The following SETBP1 variants were observed in gnomAD, a reference collection of about 807,000 sequenced individuals.
SETBP1 encodes the protein SET binding protein 1.
In SETBP1, 9 loss-of-function variants were observed where a neutral mutation model predicts 101.0. The observed-to-expected ratio is 0.09, with a 90% confidence interval of 0.05 to 0.16. The LOEUF (loss-of-function observed/expected upper bound fraction) is 0.16, where lower values mean the gene tolerates loss of function less well. Among genes scored for constraint, SETBP1 ranks in the 10% least tolerant of loss-of-function variants. The pLI is 1.00. For synonymous variants in SETBP1, 818 were observed against 788.5 expected, an observed-to-expected ratio of 1.04 and a Z score of -0.63; for missense variants, 1,858 against 2,033.8, an observed-to-expected ratio of 0.91 and a Z score of 1.66.
intron 2 of SETBP1, among the ~76,000 whole-genome samples, chr18:44,801,430 G>C (rs182456668): frequency 6.6e-6 from 1 of 152,124 alleles, no homozygotes; most frequent in African/African-American, 2.4e-5. Flanking sequence ...GATCTGTTTC[G>C]AGGTAGAAGA....
At chr18:44,857,733 G>T (rs984351069) in intron 2 of SETBP1, among the ~76,000 whole-genome samples, 1 of 152,158 alleles carries the variant, frequency 6.6e-6, no homozygotes, top group East Asian at 1.9e-4. Context: ...TTCTGGACAG[G>T]TTTGGCCAAA....
At chr18:44,734,205 G>A (rs1280936561) in intron 2 of SETBP1, among the ~76,000 whole-genome samples, 2 of 152,216 alleles carry the variant, frequency 1.3e-5, no homozygotes, top group African/African-American at 4.8e-5. Context: ...TGTGCTATAA[G>A]GGTGAGTAAG....
chr18:44,827,098 C>T (rs1213656249), intron 2 of SETBP1, among the ~76,000 whole-genome samples: 1 of 152,106 alleles, frequency 6.6e-6, no homozygotes, highest in Non-Finnish European at 1.5e-5. Flanking sequence ...GCATAGGGCT[C>T]ACTAGTGGTG....
rs183463094 is a variant in SETBP1 at position 44,711,787 on chromosome 18, G to A, written c.486+9955G>A. 3.5e-5 allele frequency among the ~76,000 whole-genome samples: 5 copies of A among 144,440 alleles called. No individual in the cohort carries two copies. The East Asian group carries it at 8.3e-4, about 24-fold the overall frequency. 94.8% of individuals were successfully genotyped at this position (144,440 alleles called of 152,430 possible). A position where few individuals can be genotyped will look rare whatever the true frequency, so the allele number is the denominator to read the frequency against. On this transcript the variant is annotated intron_variant, in intron 2 of 5. Transcript: ENST00000649279. ...TGAACTGGCCTCAAGCAATCCTCCC[G>A]CTTCGGCCTCCTGAAGTGCTGGGAT... is the stretch of plus-strand genomic sequence containing the variant.
intron 5 of SETBP1, among the ~76,000 whole-genome samples, chr18:45,046,150 C>A (rs945657563): frequency 2.0e-5 from 3 of 152,218 alleles, no homozygotes; most frequent in African/African-American, 4.8e-5. Flanking sequence ...ATCGCATAGT[C>A]CCTGTGGCCA....
At chr18:44,861,307 C>T (rs1350950326) in intron 2 of SETBP1, among the ~76,000 whole-genome samples, 4 of 134,250 alleles carry the variant, frequency 3.0e-5, no homozygotes, top group Admixed American at 8.7e-5. Flanking sequence ...GGCGTGATCT[C>T]GGCTCACTGC....
intron 2 of SETBP1, among the ~76,000 whole-genome samples, chr18:44,737,282 C>T (rs539292563): frequency 5.3e-5 from 8 of 152,292 alleles, no homozygotes; most frequent in Non-Finnish European, 1.0e-4. Flanking sequence ...GAAAGAGCAA[C>T]GTGTTAGTCT....
chr18:45,036,117 A>G (rs1423655449), intron 4 of SETBP1, among the ~76,000 whole-genome samples: 1 of 152,122 alleles, frequency 6.6e-6, no homozygotes, highest in African/African-American at 2.4e-5. Flanking sequence ...GCAGATCACA[A>G]TGTCAGGAGA....
chr18:44,919,798 C>A (rs1453791851), intron 3 of SETBP1, among the ~76,000 whole-genome samples: 1 of 151,820 alleles, frequency 6.6e-6, no homozygotes, highest in African/African-American at 2.4e-5. Context: ...TGCATATACA[C>A]ACATATGCAT....
At chr18:44,848,086 TGTGTG>T (rs2072760449) in intron 2 of SETBP1, among the ~76,000 whole-genome samples, 1 of 151,676 alleles carries the variant, frequency 6.6e-6, no homozygotes, top group Non-Finnish European at 1.5e-5. Flanking sequence ...TGTGTGTGTG[TGTGTG>T]TGTGTGTGTG....
At chr18:45,055,992 T>C (rs2073802079) in intron 5 of SETBP1, among the ~76,000 whole-genome samples, 1 of 152,246 alleles carries the variant, frequency 6.6e-6, no homozygotes, top group South Asian at 2.1e-4. Flanking sequence ...TCTGGCCCAG[T>C]TTACTGTAAA....
chr18:44,727,551 T>A (rs1441918083), intron 2 of SETBP1, among the ~76,000 whole-genome samples: 1 of 152,196 alleles, frequency 6.6e-6, no homozygotes, highest in Non-Finnish European at 1.5e-5. Context: ...GCCAACTGAA[T>A]GGTTTGAGAT....
chr18:44,843,015 A>G (rs192338901), intron 2 of SETBP1, among the ~76,000 whole-genome samples: 2 of 152,362 alleles, frequency 1.3e-5, no homozygotes, highest in East Asian at 3.9e-4. Flanking sequence ...CTGGTCAACC[A>G]AAGAGACCGA....
intron 4 of SETBP1, among the ~76,000 whole-genome samples, chr18:45,020,140 A>G (rs1402311922): frequency 6.6e-6 from 1 of 151,750 alleles, no homozygotes; most frequent in Non-Finnish European, 1.5e-5. Context: ...GAAATAACCA[A>G]AGGGACTTTG....
chr18:44,877,599 G>A (rs955168867), intron 3 of SETBP1, among the ~76,000 whole-genome samples: 1 of 152,124 alleles, frequency 6.6e-6, no homozygotes, highest in Admixed American at 6.5e-5. Context: ...ATTACCAGAC[G>A]TGTGACAATA....
At chr18:44,775,247 T>C (rs1223842658) in intron 2 of SETBP1, among the ~76,000 whole-genome samples, 2 of 152,206 alleles carry the variant, frequency 1.3e-5, no homozygotes, top group African/African-American at 2.4e-5. Flanking sequence ...ACTGACAAAG[T>C]TGAATAAGAT....
At chr18:45,058,402 C>T (rs1268639675) in intron 5 of SETBP1, among the ~76,000 whole-genome samples, 2 of 152,126 alleles carry the variant, frequency 1.3e-5, no homozygotes, top group Admixed American at 6.5e-5. Flanking sequence ...TAGAATTATT[C>T]GATTAAGTAA....
intron 2 of SETBP1, among the ~76,000 whole-genome samples, chr18:44,730,916 G>A (rs1266970157): frequency 1.3e-5 from 2 of 152,154 alleles, no homozygotes; most frequent in Middle Eastern, 3.2e-3. Context: ...GTTGTGGATC[G>A]GCCTAGTAGT....
chr18:44,982,354 CA>C (rs2072133292), intron 4 of SETBP1, among the ~76,000 whole-genome samples: 1 of 152,222 alleles, frequency 6.6e-6, no homozygotes. Flanking sequence ...GCAGTCGCCT[CA>C]GGGGGCCAGA....
Sources: gnomAD v4.1 joint callset for allele counts (sites outside exome capture counted in the v4.1 genomes callset) on GRCh38, gnomAD v4.1.1 for gene constraint, MANE v1.5 for transcripts, NCBI Gene and HGNC (gene_info 2026-07-23, HGNC 2026-07-21) for gene names.